The following SNX4 variants were observed in gnomAD, a reference collection of about 807,000 sequenced individuals.
The protein encoded by SNX4 is sorting nexin-4.
In SNX4, 49 loss-of-function variants were observed where a neutral mutation model predicts 70.8. That is an observed-to-expected ratio of 0.69 (90% CI 0.55 to 0.88). SNX4 has a LOEUF of 0.88. Among genes scored for constraint, SNX4 ranks in the 40% least tolerant of loss-of-function variants. The pLI is 0.00. For synonymous variants in SNX4, 206 were observed against 183.8 expected (o/e 1.12, Z -0.98); for missense variants, 528 against 544.8 (o/e 0.97, Z 0.31).
intron 5 of SNX4, among the ~76,000 whole-genome samples, chr3:125,495,277 T>TATATATATACACACAC: frequency 2.0e-5 from 2 of 99,618 alleles, no homozygotes; most frequent in East Asian, 3.7e-4. Flanking sequence ...TATATATATA[T>TATATATATACACACAC]ACACATACAC....
At chr3:125,492,896 G>A (rs1579998960) in intron 5 of SNX4, among the ~76,000 whole-genome samples, 1 of 152,124 alleles carries the variant, frequency 6.6e-6, no homozygotes, top group East Asian at 1.9e-4. Context: ...GGTAGTCCTT[G>A]CCCCAAGGAA....
At chr3:125,510,519 G>A (rs1427757364) in intron 1 of SNX4, among the ~76,000 whole-genome samples, 1 of 152,054 alleles carries the variant, frequency 6.6e-6, no homozygotes. Flanking sequence ...GTGAGCCACC[G>A]CGCCCGGCTG....
intron 1 of SNX4, among the ~76,000 whole-genome samples, chr3:125,506,579 C>T (rs1158192963): frequency 6.7e-6 from 1 of 149,390 alleles, no homozygotes; most frequent in Non-Finnish European, 1.5e-5. Context: ...GATCTCAGCT[C>T]ACTGTAACCT....
At chr3:125,507,240 A>T (rs1935068608) in intron 1 of SNX4, among the ~76,000 whole-genome samples, 1 of 151,880 alleles carries the variant, frequency 6.6e-6, no homozygotes, top group Admixed American at 6.6e-5. Flanking sequence ...TGGAGCTGAA[A>T]AGTACAATAA....
intron 9 of SNX4, among the ~76,000 whole-genome samples, chr3:125,461,693 A>C (rs1933889031): frequency 6.6e-6 from 1 of 150,472 alleles, no homozygotes; most frequent in South Asian, 2.1e-4. Context: ...ACGGAGTCTC[A>C]CTTTGTCGCC....
intron 1 of SNX4, among the ~76,000 whole-genome samples, chr3:125,519,115 T>TG (rs543552147): frequency 2.1e-4 from 32 of 152,040 alleles, no homozygotes; most frequent in Non-Finnish European, 4.1e-4. Flanking sequence ...TGTTTGAGCC[T>TG]GGGGGGTCGA....
At chr3:125,504,023 C>G (rs1465392386) in intron 2 of SNX4, among the ~76,000 whole-genome samples, 1 of 151,752 alleles carries the variant, frequency 6.6e-6, no homozygotes, top group East Asian at 1.9e-4. Context: ...AGAGTGAGAC[C>G]CCATCTCTAC....
intron 2 of SNX4, among the ~76,000 whole-genome samples, chr3:125,500,891 C>G (rs972213881): frequency 1.6e-5 from 2 of 125,810 alleles, no homozygotes; most frequent in African/African-American, 5.9e-5. Context: ...GGCTAATTTA[C>G]AAAAAAAAAA....
intron 6 of SNX4, among the ~76,000 whole-genome samples, chr3:125,480,812 C>G (rs747774965): frequency 6.6e-6 from 1 of 152,072 alleles, no homozygotes; most frequent in African/African-American, 2.4e-5. Context: ...CAGATGGGAA[C>G]GACTCCCACC....
At chr3:125,510,386 C>T (rs1187662440) in intron 1 of SNX4, among the ~76,000 whole-genome samples, 2 of 151,872 alleles carry the variant, frequency 1.3e-5, no homozygotes, top group Admixed American at 6.6e-5. Flanking sequence ...GCCCGCCACA[C>T]GCCCGGCTAT....
At chr3:125,469,100 T>A (rs1934107247) in intron 9 of SNX4, among the ~76,000 whole-genome samples, 1 of 152,214 alleles carries the variant, frequency 6.6e-6, no homozygotes, top group Admixed American at 6.5e-5. Context: ...AATATTTCAC[T>A]ATTAAGTACA....
intron 10 of SNX4, among the ~76,000 whole-genome samples, chr3:125,460,441 A>G (rs1933850178): frequency 6.6e-6 from 1 of 152,222 alleles, no homozygotes. Context: ...AAAAATAGCA[A>G]TATACAACAT....
chr3:125,487,002 A>C (rs1934547301), intron 6 of SNX4, among the ~76,000 whole-genome samples: 1 of 152,102 alleles, frequency 6.6e-6, no homozygotes, highest in South Asian at 2.1e-4. Flanking sequence ...AGGCCCTCCC[A>C]CTCACTTGCT....
At chr3:125,519,562 C>A (rs949153282) in intron 1 of SNX4, among the ~76,000 whole-genome samples, 2 of 152,170 alleles carry the variant, frequency 1.3e-5, no homozygotes, top group African/African-American at 4.8e-5. Context: ...TCCCCCATTC[C>A]CTTCCTTCTC....
rs1553727791 is a variant in SNX4, at chr3:125,495,275, T to TATACAC, written c.597+2060_597+2065dup. Among the ~76,000 whole-genome samples the TATACAC allele has an allele frequency of 7.6e-4, 63 of 82,942 alleles. 2 individuals are homozygous for TATACAC. Among genetic ancestry groups the TATACAC allele is most frequent in the Middle Eastern group, 6.7e-3 (1 of 150 alleles). 54.4% of individuals were successfully genotyped at this position (82,942 alleles called of 152,430 possible). ...TTATATATATATATATATATATATA[T>TATACAC]ATACACATACACACACACACACGTA... On this transcript the variant is annotated intron_variant, in intron 5 of 13. Coordinates refer to ENST00000251775, the MANE Select transcript of SNX4 (RefSeq NM_003794.4).
chr3:125,519,776 C>T (rs1288185561), intron 1 of SNX4, among the ~76,000 whole-genome samples: 1 of 152,128 alleles, frequency 6.6e-6, no homozygotes, highest in African/African-American at 2.4e-5. Context: ...CCTTTCCCTC[C>T]CCTTCGCAGT....
intron 13 of SNX4, among the ~76,000 whole-genome samples, chr3:125,451,097 C>A (rs532704782): frequency 6.6e-6 from 1 of 151,942 alleles, no homozygotes; most frequent in Non-Finnish European, 1.5e-5. Flanking sequence ...GAGACCCCCC[C>A]ATATCTATTT....
Position 125,454,040 on chromosome 3 carries a change from A to T in SNX4, c.1045-85T>A, listed in dbSNP as rs928610984. ...CAATGGAACATTATTCAGCCTTTAA[A>T]AGGAATCAAATCTGATATATGCTAC... On this transcript the variant is annotated intron_variant, in intron 11 of 13. Transcript: ENST00000251775. 2.6e-6 allele frequency: 3 copies of T among 1,154,952 alleles called. No homozygotes were observed. In the Admixed American group the frequency reaches 6.9e-5, roughly 26 times the overall value. 71.5% of individuals were successfully genotyped at this position (1,154,952 alleles called of 1,614,324 possible). A position where few individuals can be genotyped will look rare whatever the true frequency, so the allele number is the denominator to read the frequency against.
chr3:125,451,365 G>A lies in SNX4; in HGVS notation c.1245C>T (p.Asn415=). Residue 415 remains asparagine (N), a synonymous_variant, in exon 13 of 14, where the codon AAC becomes AAT. Transcript: ENST00000251775. ...ADIERFKEQK[N]RDLKEALISY... ...TTATGAGGGCCTCCTTTAAGTCTCG[G>A]TTCTTTTGTTCTTTGAAGCGTTCAA... 6.2e-7 allele frequency: 1 copy of A among 1,613,840 alleles called. No individual in the cohort carries two copies.
Sources: gnomAD v4.1 joint callset for allele counts (sites outside exome capture counted in the v4.1 genomes callset) on GRCh38, gnomAD v4.1.1 for gene constraint, MANE v1.5 for transcripts, NCBI Gene and HGNC (gene_info 2026-07-23, HGNC 2026-07-21) for gene names.